KIR3DL2: variants seen among roughly 807,000 people sequenced by gnomAD.
KIR3DL2 encodes the protein killer cell immunoglobulin-like receptor 3DL2.
In KIR3DL2, 42 loss-of-function variants were observed where a neutral mutation model predicts 41.6. That is an observed-to-expected ratio of 1.01 (90% CI 0.79 to 1.31). KIR3DL2 has a LOEUF of 1.31. Ranked by LOEUF, KIR3DL2 falls within the 50% of genes most tolerant of loss-of-function variation. The pLI, the probability that KIR3DL2 is intolerant of heterozygous loss-of-function variation, is 0.00. For synonymous variants in KIR3DL2, 230 were observed against 221.3 expected, an observed-to-expected ratio of 1.04 and a Z score of -0.35; for missense variants, 728 against 576.8, an observed-to-expected ratio of 1.26 and a Z score of -2.68.
chr19:54,855,824 C>T lies in KIR3DL2; in HGVS notation c.861C>T (p.His287=), dbSNP rs775340833. The T allele has an allele frequency of 7.4e-6, 12 of 1,613,182 alleles. No individual in the cohort carries two copies. Among genetic ancestry groups the T allele is most frequent in the Admixed American group, 3.3e-5 (2 of 59,992 alleles). Residue 287 remains histidine (H), a synonymous_variant, in exon 5 of 9, where the codon CAC becomes CAT. Coordinates refer to ENST00000326321, the MANE Select transcript of KIR3DL2 (RefSeq NM_006737.4). Reference sequence around the variant, plus strand: ...ACTTTCCTCTGGGCCCTGCCACCCACGGAGGGACCTACAGATGCTTCGGCT... The same window carrying T: ...ACTTTCCTCTGGGCCCTGCCACCCATGGAGGGACCTACAGATGCTTCGGCT... ...QADFPLGPAT[H]GGTYRCFGSF...
intron 5 of KIR3DL2, 89 bp from the exon 6 acceptor site, chr19:54,858,990 G>C: frequency 3.5e-6 from 4 of 1,147,556 alleles, no homozygotes; most frequent in South Asian, 1.3e-5. Flanking sequence ...AGATAACAGA[G>C]TGTTGGCCAT....
chr19:54,862,008 T>C (rs1987051), intron 6 of KIR3DL2, among the ~76,000 whole-genome samples: 16 of 151,856 alleles, frequency 1.1e-4, no homozygotes, highest in African/African-American at 3.6e-4. Context: ...TGGAGTGAGT[T>C]CAGATCTTGG....
chr19:54,863,844 G>A (rs892773195), intron 6 of KIR3DL2, among the ~76,000 whole-genome samples: 10 of 152,034 alleles, frequency 6.6e-5, no homozygotes, highest in African/African-American at 2.4e-4. Flanking sequence ...TTGCTGTGCA[G>A]AAGCTCTTTA....
At chr19:54,863,368 C>T (rs897356433) in intron 6 of KIR3DL2, among the ~76,000 whole-genome samples, 7 of 151,988 alleles carry the variant, frequency 4.6e-5, no homozygotes, top group African/African-American at 1.7e-4. Context: ...TGGGTTTATA[C>T]CCAGTAATGG....
chr19:54,865,185 G>T (rs189490995), intron 6 of KIR3DL2, among the ~76,000 whole-genome samples: 6 of 152,150 alleles, frequency 3.9e-5, no homozygotes, highest in Admixed American at 2.6e-4. Flanking sequence ...TATTGAACCA[G>T]CCTTGCATCC....
intron 3 of KIR3DL2, among the ~76,000 whole-genome samples, chr19:54,852,847 T>G (rs1411386741): frequency 6.6e-6 from 1 of 150,912 alleles, no homozygotes; most frequent in African/African-American, 2.5e-5. Context: ...TCCCCAGAAG[T>G]GGAAGGGGTC....
chr19:54,863,817 T>G (rs1253512223), intron 6 of KIR3DL2, among the ~76,000 whole-genome samples: 3 of 152,086 alleles, frequency 2.0e-5, no homozygotes, highest in African/African-American at 7.2e-5. Context: ...GTCTGTTCAC[T>G]CTGATGGTAG....
intron 6 of KIR3DL2, among the ~76,000 whole-genome samples, chr19:54,862,031 G>A (rs996592799): frequency 5.3e-5 from 8 of 152,098 alleles, no homozygotes; most frequent in African/African-American, 1.9e-4. Context: ...TCAGAGATCA[G>A]CACCAGCACT....
In KIR3DL2 at chr19:54,866,556, A is replaced by G. The variant is rs546528999; in HGVS notation, c.1193A>G (p.Tyr398Cys). Residue 398 changes from tyrosine (Y) to cysteine (C), a missense_variant, in exon 9 of 9, where the codon TAC becomes TGC. Physicochemically the swap from Tyr to Cys is radical, Grantham distance 194 (BLOSUM62 -2). Transcript: ENST00000326321. ...SDEQDPQEVT[Y>C]AQLDHCVFIQ... ...GAACAAGACCCTCAGGAGGTGACGT[A>G]CGCACAGTTGGATCACTGCGTTTTC... The G allele has an allele frequency of 1.2e-6, 2 of 1,614,064 alleles. No homozygotes were observed. The highest frequency in any genetic ancestry group is 2.7e-5 in the African/African-American group (2 of 75,040).
intron 6 of KIR3DL2, among the ~76,000 whole-genome samples, chr19:54,862,316 G>A (rs1245626882): frequency 6.6e-6 from 1 of 152,124 alleles, no homozygotes; most frequent in African/African-American, 2.4e-5. Flanking sequence ...GGTTGTGGAT[G>A]TAGAAACTGT....
chr19:54,855,745 C>T lies in KIR3DL2; in HGVS notation c.782C>T (p.Ala261Val). ...TACCATCTGTCCAGGGAAGGGGAGGCCCATGAACGTAGGCTCCGTGCAGTG... is the reference window on the plus strand; with the variant it reads ...TACCATCTGTCCAGGGAAGGGGAGGTCCATGAACGTAGGCTCCGTGCAGTG... ...DIYHLSREGE[A>V]HERRLRAVPK... Residue 261 changes from alanine (A) to valine (V), a missense_variant, in exon 5 of 9, where the codon GCC becomes GTC. Physicochemically the swap from Ala to Val is moderately conservative, Grantham distance 64. Coordinates refer to ENST00000326321, the MANE Select transcript of KIR3DL2 (RefSeq NM_006737.4). 7 of 1,613,514 alleles carry T rather than the reference C, an allele frequency of 4.3e-6. No individual in the cohort carries two copies. The South Asian group carries it at 7.7e-5, about 18-fold the overall frequency.
At position 54,851,269 on chromosome 19, in the gene KIR3DL2, CA is replaced by C; in HGVS notation, c.70+17del. Reference sequence around the variant, plus strand: ...GGCCACTCATGGGTGAGTCCGTCCCCAAACCTTAGGGTGTCATCTCCCCACA... The same window carrying C: ...GGCCACTCATGGGTGAGTCCGTCCCCAACCTTAGGGTGTCATCTCCCCACA... On this transcript the variant is annotated intron_variant, in intron 2 of 8. Coordinates refer to ENST00000326321, the MANE Select transcript of KIR3DL2 (RefSeq NM_006737.4). The C allele has an allele frequency of 6.2e-7, 1 of 1,604,790 alleles. No homozygotes were observed. The highest frequency in any genetic ancestry group is 8.5e-7 in the Non-Finnish European group (1 of 1,175,040).
rs899560603 is a variant in KIR3DL2 at position 54,861,696 on chromosome 19, A to C, written c.1000+2567A>C. ...ATAAATATAATAATATACACAAATG[A>C]TGCAGGCACCTGAATTCCAATCATC... On this transcript the variant is annotated intron_variant, in intron 6 of 8. Transcript: ENST00000326321. Among the ~76,000 whole-genome samples the C allele has an allele frequency of 6.6e-5, 10 of 151,494 alleles. No homozygotes were observed. The South Asian group carries it at 2.1e-3, about 32-fold the overall frequency.
chr19:54,862,468 C>T (rs1177559152), intron 6 of KIR3DL2, among the ~76,000 whole-genome samples: 1 of 152,092 alleles, frequency 6.6e-6, no homozygotes, highest in African/African-American at 2.4e-5. Flanking sequence ...GAATACGTTA[C>T]ATAGGCAGGT....
chr19:54,851,433 C>T (rs1348340674), intron 2 of KIR3DL2, among the ~76,000 whole-genome samples, 178 bp downstream of exon 2: 13 of 151,002 alleles, frequency 8.6e-5, no homozygotes, highest in Non-Finnish European at 1.9e-4. Flanking sequence ...CTGAGTCAAG[C>T]TCTGTGAAGA....
In KIR3DL2 at chr19:54,867,074, T is replaced by A. The variant is rs1302208665; in HGVS notation, c.*343T>A. 3.1e-6 allele frequency: 1 copy of A among 327,780 alleles called. No homozygotes were observed. The highest frequency in any genetic ancestry group is 2.1e-5 in the African/African-American group (1 of 46,528). 20.3% of individuals were successfully genotyped at this position (327,780 alleles called of 1,614,324 possible). A position where few individuals can be genotyped will look rare whatever the true frequency, so the allele number is the denominator to read the frequency against. Reference sequence around the variant, plus strand: ...CTTAACACGGCACTTACACACTTGCTGTTCCACCTTCCCTCATGCTGTTCC... The same window carrying A: ...CTTAACACGGCACTTACACACTTGCAGTTCCACCTTCCCTCATGCTGTTCC... On this transcript the variant is annotated 3_prime_UTR_variant, in exon 9 of 9. Transcript: ENST00000326321.
At position 54,852,127 on chromosome 19, in the gene KIR3DL2, AC is replaced by A; in HGVS notation, c.201del (p.His67GlnfsTer19). On this transcript the variant is annotated frameshift_variant, in exon 3 of 9. Coordinates refer to ENST00000326321, the MANE Select transcript of KIR3DL2 (RefSeq NM_006737.4). LOFTEE classifies it high-confidence loss of function. ...NFMLYKEDRS[H>X]VPIFHGRIFQ... Reference sequence around the variant, plus strand: ...ATGCTGTACAAAGAAGACAGAAGCCACGTTCCCATCTTCCACGGCAGAATAT... The same window carrying A: ...ATGCTGTACAAAGAAGACAGAAGCCAGTTCCCATCTTCCACGGCAGAATAT... 6.2e-7 allele frequency: 1 copy of A among 1,612,954 alleles called. No homozygotes were observed. The highest frequency in any genetic ancestry group is 8.5e-7 in the Non-Finnish European group (1 of 1,179,604).
At chr19:54,856,825 G>C (rs1054928150) in intron 5 of KIR3DL2, among the ~76,000 whole-genome samples, 26 of 151,972 alleles carry the variant, frequency 1.7e-4, no homozygotes, top group Non-Finnish European at 1.5e-5. Flanking sequence ...GGGAATCTTT[G>C]TAATGACCTC....
At position 54,851,413 on chromosome 19, in the gene KIR3DL2, T is replaced by C. The variant is rs376748354; in HGVS notation, c.70+158T>C. ...CTGACCTCGCCCTCCCTGGCCTTTC[T>C]TTCCCTTTCCTGAGTCAAGCTCTGT... On this transcript the variant is annotated intron_variant, in intron 2 of 8. Coordinates refer to ENST00000326321, the MANE Select transcript of KIR3DL2 (RefSeq NM_006737.4). 1.5e-4 allele frequency among the ~76,000 whole-genome samples: 23 copies of C among 150,782 alleles called. 1 individual carries two copies. The East Asian group carries it at 2.1e-3, about 14-fold the overall frequency.
Sources: gnomAD v4.1 joint callset for allele counts (sites outside exome capture counted in the v4.1 genomes callset) on GRCh38, gnomAD v4.1.1 for gene constraint, MANE v1.5 for transcripts, NCBI Gene and HGNC (gene_info 2026-07-23, HGNC 2026-07-21) for gene names.